MAST4: variants seen among roughly 807,000 people sequenced by gnomAD.
The protein encoded by MAST4 is microtubule associated serine/threonine kinase family member 4, also known as microtubule-associated serine/threonine-protein kinase 4.
In MAST4, 89 loss-of-function variants were observed where a neutral mutation model predicts 162.7. The ratio of observed to expected loss-of-function variants is 0.55; its 90% confidence interval spans 0.46 to 0.65. The LOEUF (loss-of-function observed/expected upper bound fraction) is 0.65, where lower values mean the gene tolerates loss of function less well. Ranked by LOEUF, MAST4 falls within the 30% of genes least tolerant of loss-of-function variation. The pLI, the probability that MAST4 is intolerant of heterozygous loss-of-function variation, is 0.00. For missense variants in MAST4, 3,153 were observed against 3,374.0 expected (o/e 0.93, Z 1.62); for synonymous variants, 1,479 against 1,361.1 (o/e 1.09, Z -1.91).
intron 1 of MAST4, among the ~76,000 whole-genome samples, chr5:66,601,887 A>G (rs1274608177): frequency 6.6e-6 from 1 of 152,148 alleles, no homozygotes; most frequent in Admixed American, 6.5e-5. Context: ...GATATAGCCT[A>G]ATCGTTCCAG....
rs1745754294 is a variant in MAST4, at chr5:66,959,627, C to T, written c.674+59645C>T. ...TCCTTCTCTCTTACTGTTTGTTTAT[C>T]CCTATGTTGCCTTTTTCTAAAGAAA... On this transcript the variant is annotated intron_variant, in intron 4 of 28. Coordinates refer to ENST00000403625, the MANE Select transcript of MAST4 (RefSeq NM_001164664.2). Among the ~76,000 whole-genome samples, 3 of 151,622 alleles carry T rather than the reference C, an allele frequency of 2.0e-5. No homozygotes were observed. The South Asian group carries it at 6.2e-4, about 31-fold the overall frequency.
At chr5:67,104,121 C>T (rs1425062202) in intron 9 of MAST4, among the ~76,000 whole-genome samples, 1 of 152,164 alleles carries the variant, frequency 6.6e-6, no homozygotes, top group Non-Finnish European at 1.5e-5. Flanking sequence ...TGCATGAATG[C>T]CCCCAACATG....
intron 5 of MAST4, among the ~76,000 whole-genome samples, chr5:67,087,688 A>G (rs771170763): frequency 1.3e-5 from 2 of 152,186 alleles, no homozygotes; most frequent in Non-Finnish European, 2.9e-5. Context: ...ATTTTCTCTA[A>G]TATCCTCTGA....
chr5:66,710,861 C>A (rs370356888), intron 1 of MAST4, among the ~76,000 whole-genome samples: 5 of 152,100 alleles, frequency 3.3e-5, no homozygotes, highest in African/African-American at 1.2e-4. Context: ...AAAATTTGTT[C>A]TTTATGTATC....
chr5:67,162,643 T>G lies in MAST4; in HGVS notation c.3822T>G (p.Pro1274=), dbSNP rs991448433. 7.3e-5 allele frequency: 118 copies of G among 1,613,798 alleles called. No individual in the cohort carries two copies. The highest frequency in any genetic ancestry group is 9.7e-5 in the Non-Finnish European group (114 of 1,179,852). ...TTTTCAAAAAGCTAGCCAAGCAGCC[T>G]TCTCCTTTACTCCACACCAGCCGAA... The part of the protein sequence containing the change: ...RSLFKKLAKQ[P]SPLLHTSRSF... The change falls in exon 28 of 29, where the codon CCT becomes CCG. Residue 1274 remains proline, a synonymous_variant. Coordinates refer to ENST00000403625, the MANE Select transcript of MAST4 (RefSeq NM_001164664.2).
chr5:66,890,611 G>C (rs1214880632), intron 3 of MAST4, among the ~76,000 whole-genome samples: 1 of 152,210 alleles, frequency 6.6e-6, no homozygotes, highest in East Asian at 1.9e-4. Flanking sequence ...AATTTGCTTA[G>C]AAAGAGTTGC....
chr5:67,074,865 T>A (rs1761423112), intron 5 of MAST4, among the ~76,000 whole-genome samples: 1 of 152,240 alleles, frequency 6.6e-6, no homozygotes, highest in African/African-American at 2.4e-5. Context: ...TTTTAAAAAG[T>A]TATTTTAAAG....
At chr5:66,736,602 T>C (rs539509975) in intron 1 of MAST4, among the ~76,000 whole-genome samples, 30 of 152,334 alleles carry the variant, frequency 2.0e-4, no homozygotes, top group Non-Finnish European at 1.8e-4. Context: ...TTTAAGTCTT[T>C]TTTAAGACGA....
chr5:67,095,326 C>G (rs1234700723), intron 6 of MAST4, among the ~76,000 whole-genome samples: 1 of 152,110 alleles, frequency 6.6e-6, no homozygotes, highest in Non-Finnish European at 1.5e-5. Context: ...TTGTAATTAT[C>G]CCTGGTATTC....
intron 5 of MAST4, among the ~76,000 whole-genome samples, chr5:67,054,928 G>T (rs1459598187): frequency 6.6e-6 from 1 of 152,036 alleles, no homozygotes; most frequent in Admixed American, 6.6e-5. Flanking sequence ...AGAGCCTTTG[G>T]CCTCAAGTAC....
intron 1 of MAST4, among the ~76,000 whole-genome samples, chr5:66,607,189 T>C (rs1742952245): frequency 6.6e-6 from 1 of 152,152 alleles, no homozygotes; most frequent in Admixed American, 6.5e-5. Flanking sequence ...CACAGAACCT[T>C]GCATGATGTG....
At chr5:66,910,524 T>C (rs936091889) in intron 4 of MAST4, among the ~76,000 whole-genome samples, 8 of 152,160 alleles carry the variant, frequency 5.3e-5, no homozygotes, top group African/African-American at 1.9e-4. Context: ...TCTTGGAATC[T>C]GTGCCATCTC....
At chr5:67,005,550 A>G (rs1335060394) in intron 4 of MAST4, among the ~76,000 whole-genome samples, 2 of 151,886 alleles carry the variant, frequency 1.3e-5, no homozygotes, top group African/African-American at 4.8e-5. Context: ...GCTATTTCAT[A>G]CTATCTGTGG....
chr5:66,608,083 A>C (rs1223044192), intron 1 of MAST4, among the ~76,000 whole-genome samples: 1 of 141,586 alleles, frequency 7.1e-6, no homozygotes, highest in East Asian at 2.0e-4. Flanking sequence ...TTTTTTTGAG[A>C]CAGAGTCTCT....
At chr5:66,674,206 C>T (rs1747807399) in intron 1 of MAST4, among the ~76,000 whole-genome samples, 1 of 152,138 alleles carries the variant, frequency 6.6e-6, no homozygotes, top group South Asian at 2.1e-4. Flanking sequence ...TAATTAAATG[C>T]TTTATTGACC....
intron 4 of MAST4, among the ~76,000 whole-genome samples, chr5:66,916,149 T>C (rs1764104102): frequency 6.6e-6 from 1 of 152,218 alleles, no homozygotes; most frequent in African/African-American, 2.4e-5. Flanking sequence ...TTATGAAAAT[T>C]ATGTTAACCT....
In MAST4 at chr5:67,104,383, A is replaced by G. The variant is rs769027302; in HGVS notation, c.1164A>G (p.Glu388=). The G allele has an allele frequency of 1.2e-6, 2 of 1,613,750 alleles. No homozygotes were observed. Among genetic ancestry groups the G allele is most frequent in the Admixed American group, 1.7e-5 (1 of 60,018 alleles). The part of the protein sequence containing the change: ...ERFPKATAQM[E]ERLKEIITSY... ...CTATATAGGCTACAGCTCAGATGGA[A>G]GAACGTCTAAAGGAAATTATCACCA... The change falls in exon 10 of 29, where the codon GAA becomes GAG. Residue 388 remains glutamate, a synonymous_variant. Coordinates refer to ENST00000403625, the MANE Select transcript of MAST4 (RefSeq NM_001164664.2).
chr5:66,724,792 T>C (rs1580299837), intron 1 of MAST4, among the ~76,000 whole-genome samples: 2 of 152,100 alleles, frequency 1.3e-5, no homozygotes, highest in Middle Eastern at 6.8e-3. Flanking sequence ...TATTATAATC[T>C]TTTATAATAT....
chr5:67,144,755 A>C lies in MAST4; in HGVS notation c.2817A>C (p.Pro939=), dbSNP rs967673132. The change falls in exon 22 of 29, where the codon CCA becomes CCC. Residue 939 remains proline, a synonymous_variant. Transcript: ENST00000403625. ...SVDKTKSTTL[P]STETLSWSSE... The stretch of plus-strand genomic sequence containing the variant: ...ACAAAACCAAAAGCACCACCTTGCC[A>C]TCCACAGAAACACTGAGCTGGAGTT... 2 of 1,613,582 alleles carry C rather than the reference A, an allele frequency of 1.2e-6. No homozygotes were observed. Among genetic ancestry groups the C allele is most frequent in the East Asian group, 4.5e-5 (2 of 44,874 alleles).
Sources: gnomAD v4.1 joint callset for allele counts (sites outside exome capture counted in the v4.1 genomes callset) on GRCh38, gnomAD v4.1.1 for gene constraint, MANE v1.5 for transcripts, NCBI Gene and HGNC (gene_info 2026-07-23, HGNC 2026-07-21) for gene names.